FANCL: variants seen among roughly 807,000 people sequenced by gnomAD.
The protein encoded by FANCL is E3 ubiquitin-protein ligase FANCL.
In FANCL, 69 loss-of-function variants were observed where a neutral mutation model predicts 59.4. That is an observed-to-expected ratio of 1.16 (90% CI 0.96 to 1.42). The LOEUF is 1.42. Ranked by LOEUF, FANCL falls within the 40% of genes most tolerant of loss-of-function variation. The pLI is 0.00. For missense variants in FANCL, 519 were observed against 447.2 expected, an observed-to-expected ratio of 1.16 and a Z score of -1.45; for synonymous variants, 180 against 147.1, an observed-to-expected ratio of 1.22 and a Z score of -1.62.
At chr2:58,205,798 T>C (rs1260805602) in intron 5 of FANCL, among the ~76,000 whole-genome samples, 1 of 152,074 alleles carries the variant, frequency 6.6e-6, no homozygotes. Flanking sequence ...AGAGTATGAC[T>C]GATATACTGG....
chr2:58,174,241 T>G (rs963504727), intron 7 of FANCL, among the ~76,000 whole-genome samples: 9 of 151,898 alleles, frequency 5.9e-5, no homozygotes, highest in Non-Finnish European at 7.4e-5. Flanking sequence ...AGACAGAAAG[T>G]TAACAAGGAT....
intron 5 of FANCL, among the ~76,000 whole-genome samples, chr2:58,218,961 C>T (rs1037822815): frequency 2.0e-5 from 3 of 149,796 alleles, no homozygotes; most frequent in African/African-American, 7.4e-5. Flanking sequence ...CATTTTTCAG[C>T]TAAGAAGGCC....
chr2:58,165,937 A>G (rs933604760), intron 7 of FANCL, 63 bp from the exon 8 acceptor site: 78 of 1,521,748 alleles, frequency 5.1e-5, no homozygotes, highest in Non-Finnish European at 1.3e-5. Context: ...ATAATCTTTT[A>G]CTTAAAATAC....
chr2:58,240,139 A>C (rs1694381529), intron 1 of FANCL, among the ~76,000 whole-genome samples: 1 of 151,540 alleles, frequency 6.6e-6, no homozygotes, highest in Non-Finnish European at 1.5e-5. Context: ...GTAACTTAAA[A>C]TTTTTCAACT....
chr2:58,207,711 G>C (rs1311020932), intron 5 of FANCL, among the ~76,000 whole-genome samples: 1 of 152,000 alleles, frequency 6.6e-6, no homozygotes, highest in African/African-American at 2.4e-5. Context: ...AGATCTTAAA[G>C]GAAAAAAAGA....
At chr2:58,227,605 C>A (rs759596979) in intron 3 of FANCL, among the ~76,000 whole-genome samples, 2 of 152,174 alleles carry the variant, frequency 1.3e-5, no homozygotes, top group Non-Finnish European at 2.9e-5. Context: ...GATGTCCTCT[C>A]GATGTCCAGC....
chr2:58,230,507 T>G (rs1426809969), intron 2 of FANCL, among the ~76,000 whole-genome samples: 1 of 152,150 alleles, frequency 6.6e-6, no homozygotes, highest in Non-Finnish European at 1.5e-5. Flanking sequence ...TAAGAAGTGA[T>G]AAGTTAATGT....
At chr2:58,198,836 T>C (rs1169232299) in intron 6 of FANCL, among the ~76,000 whole-genome samples, 174 bp from the exon 7 acceptor site, 1 of 152,070 alleles carries the variant, frequency 6.6e-6, no homozygotes, top group Non-Finnish European at 1.5e-5. Context: ...GAGATCATCC[T>C]GGCTATACGG....
At chr2:58,229,575 G>C (rs933966254) in intron 3 of FANCL, among the ~76,000 whole-genome samples, 15 of 152,246 alleles carry the variant, frequency 9.9e-5, no homozygotes, top group African/African-American at 2.9e-4. Context: ...ATATGGATAA[G>C]GGTGAATGCA....
intron 1 of FANCL, among the ~76,000 whole-genome samples, chr2:58,239,741 G>A (rs1175747466): frequency 6.6e-6 from 1 of 152,050 alleles, no homozygotes; most frequent in Non-Finnish European, 1.5e-5. Flanking sequence ...GACCTCAAAT[G>A]GTTCAGGAAA....
At chr2:58,212,556 CT>C (rs1691288949) in intron 5 of FANCL, among the ~76,000 whole-genome samples, 1 of 152,112 alleles carries the variant, frequency 6.6e-6, no homozygotes, top group African/African-American at 2.4e-5. Flanking sequence ...GCATGATAAG[CT>C]ACTCAAAGCA....
rs1693633885 is a variant in FANCL at position 58,232,034 on chromosome 2, A to G, written c.155+20T>C. On this transcript the variant is annotated intron_variant, in intron 2 of 13. Coordinates refer to ENST00000233741, the MANE Select transcript of FANCL (RefSeq NM_018062.4). ...CACCAAAATGCAAAAATGCACGTTT[A>G]TAACTAAACACCATATCACCTTGCA... 6.2e-7 allele frequency: 1 copy of G among 1,611,150 alleles called. No individual in the cohort carries two copies. Among genetic ancestry groups the G allele is most frequent in the Admixed American group, 1.7e-5 (1 of 59,984 alleles).
At chr2:58,202,399 T>C (rs1278526293) in intron 6 of FANCL, among the ~76,000 whole-genome samples, 1 of 151,402 alleles carries the variant, frequency 6.6e-6, no homozygotes, top group Admixed American at 6.6e-5. Flanking sequence ...AAAAAAAAAA[T>C]TATCACATCT....
chr2:58,171,956 C>A (rs1444500324), intron 7 of FANCL, among the ~76,000 whole-genome samples: 2 of 152,190 alleles, frequency 1.3e-5, no homozygotes, highest in African/African-American at 4.8e-5. Context: ...GAGATTACAT[C>A]CCGCTTGGAG....
chr2:58,211,589 G>A (rs1691166960), intron 5 of FANCL, among the ~76,000 whole-genome samples: 2 of 152,148 alleles, frequency 1.3e-5, no homozygotes, highest in South Asian at 4.1e-4. Context: ...CTATCACATT[G>A]TCAGGCTGCA....
At chr2:58,192,028 G>A (rs1688974008) in intron 7 of FANCL, among the ~76,000 whole-genome samples, 1 of 151,882 alleles carries the variant, frequency 6.6e-6, no homozygotes, top group Non-Finnish European at 1.5e-5. Context: ...CTATGCTACA[G>A]TGGCTGAGCA....
At chr2:58,225,041 T>C (rs1692848512) in intron 4 of FANCL, among the ~76,000 whole-genome samples, 1 of 151,622 alleles carries the variant, frequency 6.6e-6, no homozygotes, top group Non-Finnish European at 1.5e-5. Context: ...CGGAATAAAA[T>C]GAATAAATGA....
At chr2:58,174,242 T>C (rs532200855) in intron 7 of FANCL, among the ~76,000 whole-genome samples, 44 of 152,194 alleles carry the variant, frequency 2.9e-4, no homozygotes, top group Admixed American at 6.5e-5. Flanking sequence ...GACAGAAAGT[T>C]AACAAGGATA....
At chr2:58,199,028 CAAAAA>C (rs772182737) in intron 6 of FANCL, among the ~76,000 whole-genome samples, 1 of 61,182 alleles carries the variant, frequency 1.6e-5, no homozygotes, top group Admixed American at 1.8e-4. Context: ...ATCTCCATCT[CAAAAA>C]AAAAAAAAAA....
Sources: gnomAD v4.1 joint callset for allele counts (sites outside exome capture counted in the v4.1 genomes callset) on GRCh38, gnomAD v4.1.1 for gene constraint, MANE v1.5 for transcripts, NCBI Gene and HGNC (gene_info 2026-07-23, HGNC 2026-07-21) for gene names.